CUL9: variants seen among roughly 807,000 people sequenced by gnomAD.
CUL9 encodes the protein cullin-9.
In CUL9, 79 loss-of-function variants were observed where a neutral mutation model predicts 272.6. The observed-to-expected ratio is 0.29, with a 90% CI of 0.24 to 0.35. The LOEUF is 0.35. Ranked by LOEUF, CUL9 falls within the 10% of genes least tolerant of loss-of-function variation. CUL9 has a pLI of 1.00. For missense variants in CUL9, 2,532 were observed against 3,255.6 expected (o/e 0.78, Z 5.41); for synonymous variants, 1,186 against 1,286.5 (o/e 0.92, Z 1.67).
chr6:43,191,581 C>A (rs1055185648), intron 8 of CUL9, among the ~76,000 whole-genome samples: 14 of 148,296 alleles, frequency 9.4e-5, no homozygotes, highest in African/African-American at 3.5e-4. Flanking sequence ...AGGCCTCAGT[C>A]AATAATTAAT....
Position 43,223,637 on chromosome 6 carries a change from G to A in CUL9, c.7284+240G>A. The A allele has an allele frequency of 3.5e-6, 2 of 578,608 alleles. No homozygotes were observed. Among genetic ancestry groups the A allele is most frequent in the Non-Finnish European group, 6.1e-6 (2 of 329,130 alleles). 35.8% of individuals were successfully genotyped at this position (578,608 alleles called of 1,614,324 possible). On this transcript the variant is annotated intron_variant, in intron 39 of 40. Transcript: ENST00000252050. This position sits in a 1 kb window ranked among gnomAD's most constrained non-coding sequence, Gnocchi z 4.1. ...AAAGGGGTTGGCTAGCCCACATCAA[G>A]GGTATTTGGTCAGGTGCCTATCAGA...
chr6:43,207,942 G>A (rs989031547), intron 26 of CUL9, among the ~76,000 whole-genome samples: 3 of 152,186 alleles, frequency 2.0e-5, no homozygotes, highest in Non-Finnish European at 4.4e-5. Context: ...ACTACTGAGA[G>A]AGGTGTGCTA....
In CUL9 at chr6:43,188,605, A is replaced by G. The variant is rs891360967; in HGVS notation, c.2070A>G (p.Ile690Met). Residue 690 changes from isoleucine (I) to methionine (M), a missense_variant, in exon 8 of 41, where the codon ATA becomes ATG. Transcript: ENST00000252050. ...HVAAVVATVQ[I>M]SSLDTNLQLS... ...CAGCGGTCGTGGCCACTGTGCAGAT[A>G]TCCAGCTTGGACACAAACCTGCAGC... is the stretch of plus-strand genomic sequence containing the variant. 4 of 1,614,222 alleles carry G rather than the reference A, an allele frequency of 2.5e-6. No homozygotes were observed. The highest frequency in any genetic ancestry group is 3.4e-6 in the Non-Finnish European group (4 of 1,180,044).
intron 30 of CUL9, among the ~76,000 whole-genome samples, chr6:43,215,788 G>A (rs906905722): frequency 6.6e-6 from 1 of 152,216 alleles, no homozygotes; most frequent in Non-Finnish European, 1.5e-5. Flanking sequence ...TCTCTGTGCT[G>A]CCTGTGCTGC....
In CUL9 at chr6:43,223,067, C is replaced by T. The variant is rs1776503342; in HGVS notation, c.7150+171C>T. On this transcript the variant is annotated intron_variant, in intron 38 of 40. Coordinates refer to ENST00000252050, the MANE Select transcript of CUL9 (RefSeq NM_015089.4). The surrounding 1 kb of genome is among the most constrained non-coding windows in gnomAD (Gnocchi z 4.1). The stretch of plus-strand genomic sequence containing the variant: ...TGTTAAAGCTCAGGTCGAAAGCCTA[C>T]ATTGTAAGGTGCCCAAGGGCGCAGA... The T allele has an allele frequency of 6.5e-6, 6 of 921,998 alleles. No homozygotes were observed. In the Admixed American group the frequency reaches 1.6e-4, roughly 25 times the overall value. 57.1% of individuals were successfully genotyped at this position (921,998 alleles called of 1,614,324 possible).
intron 8 of CUL9, 40 bp from the exon 9 acceptor site, chr6:43,192,961 T>C (rs755175574): frequency 8.2e-6 from 13 of 1,594,470 alleles, no homozygotes; most frequent in Non-Finnish European, 9.5e-6. Flanking sequence ...CAGGCAAGAC[T>C]CCTTGGGATG....
chr6:43,187,367 T>G lies in CUL9; in HGVS notation c.1509T>G (p.Leu503=). 6.2e-7 allele frequency: 1 copy of G among 1,614,102 alleles called. No individual in the cohort carries two copies. The highest frequency in any genetic ancestry group is 8.5e-7 in the Non-Finnish European group (1 of 1,179,990). Residue 503 remains leucine (L), a synonymous_variant, in exon 6 of 41, where the codon CTT becomes CTG. Transcript: ENST00000252050. ...YLTQAEWWEL[L]FFIKKLDLCE... is the part of the protein sequence containing the mutation. ...CCCAGGCTGAATGGTGGGAGCTGCTTTTCTTTATCAAAAAGTTGGACTTGT... is the reference window on the plus strand; with the variant it reads ...CCCAGGCTGAATGGTGGGAGCTGCTGTTCTTTATCAAAAAGTTGGACTTGT...
chr6:43,201,165 TAGA>T (rs139794495), intron 16 of CUL9, among the ~76,000 whole-genome samples: 42 of 152,218 alleles, frequency 2.8e-4, no homozygotes, highest in African/African-American at 9.9e-4. Context: ...GGTCTCGAAA[TAGA>T]AGGACAATAA....
At chr6:43,188,495 A>AG (rs1639384861) in intron 7 of CUL9, 28 bp from the exon 8 acceptor site, 1 of 1,559,824 alleles carries the variant, frequency 6.4e-7, no homozygotes, top group Non-Finnish European at 8.7e-7. Flanking sequence ...CAGTTCTTTT[A>AG]GCCATTGCCT....
In CUL9 at chr6:43,220,446, T is replaced by C; in HGVS notation, c.6283-13T>C. On this transcript the variant is annotated splice_polypyrimidine_tract_variant and intron_variant, in intron 31 of 40. Coordinates refer to ENST00000252050, the MANE Select transcript of CUL9 (RefSeq NM_015089.4). The surrounding 1 kb of genome is among the most constrained non-coding windows in gnomAD (Gnocchi z 4.9). ...CACTGTCTGTGAGCAGCCCCTCCTT[T>C]TGTCCCTCCCAGTCTTGCTGGAATG... 1 of 1,613,932 alleles carries C rather than the reference T, an allele frequency of 6.2e-7. No homozygotes were observed. The highest frequency in any genetic ancestry group is 1.7e-5 in the Admixed American group (1 of 59,996).
intron 29 of CUL9, among the ~76,000 whole-genome samples, chr6:43,214,534 C>T (rs1052046290): frequency 2.0e-5 from 3 of 152,266 alleles, no homozygotes; most frequent in Admixed American, 6.5e-5. Context: ...GGCGCGGTGG[C>T]TCATGCCTGT....
chr6:43,190,297 TG>T (rs1773339502), intron 8 of CUL9, among the ~76,000 whole-genome samples: 1 of 143,636 alleles, frequency 7.0e-6, no homozygotes, highest in Admixed American at 6.7e-5. Flanking sequence ...ACATTTGTTC[TG>T]TTTTTTTTTT....
intron 16 of CUL9, 50 bp from the exon 17 acceptor site, chr6:43,202,666 C>A: frequency 1.3e-6 from 2 of 1,517,432 alleles, no homozygotes; most frequent in Non-Finnish European, 1.8e-6. Context: ...CAGATGTGAG[C>A]CACCACGTCC....
At chr6:43,185,738 C>T in intron 3 of CUL9, 128 bp downstream of exon 3, 1 of 1,206,190 alleles carries the variant, frequency 8.3e-7, no homozygotes, top group Non-Finnish European at 1.1e-6. Context: ...TTCATGTCCT[C>T]CCTCCCAGCC....
In CUL9 at chr6:43,206,093, A is replaced by C. The variant is rs756581760; in HGVS notation, c.4880A>C (p.Asn1627Thr). ...GAGCAGATTGGCCTCTGTTTTCCCA[A>C]CCGCCTCCCACAGCTGATGCTGCAG... ...VLEQIGLCFP[N>T]RLPQLMLQSL... The change falls in exon 25 of 41, where the codon AAC becomes ACC. Residue 1627 changes from asparagine to threonine, a missense_variant. Asn to Thr is a moderately conservative substitution (Grantham distance 65). Transcript: ENST00000252050. This position sits in a 1 kb window ranked among gnomAD's most constrained non-coding sequence, Gnocchi z 4.8. The C allele has an allele frequency of 5.6e-6, 9 of 1,614,104 alleles. No individual in the cohort carries two copies. Among genetic ancestry groups the C allele is most frequent in the Admixed American group, 1.7e-5 (1 of 60,012 alleles).
Position 43,200,052 on chromosome 6 carries a change from C to A in CUL9, c.3280C>A (p.Gln1094Lys), listed in dbSNP as rs767001216. Reference protein sequence around the residue: ...LSKVLDKHSAQLLLGCELRDL... With the variant: ...LSKVLDKHSAKLLLGCELRDL... ...CAAAGTCCTGGACAAGCACTCAGCT[C>A]AGCTGCTGCTGGGCTGTGAGCTTCG... Residue 1094 changes from glutamine to lysine, a missense_variant, in exon 14 of 41, where the codon CAG (glutamine) becomes AAG (lysine). This residue lies in a region of CUL9 where 2,218 missense variants were observed against 2,788.6 expected (regional missense o/e 0.80). Transcript: ENST00000252050. This position sits in a 1 kb window ranked among gnomAD's most constrained non-coding sequence, Gnocchi z 4.0. 1.9e-5 allele frequency: 31 copies of A among 1,614,114 alleles called. No individual in the cohort carries two copies. Among genetic ancestry groups the A allele is most frequent in the Middle Eastern group, 1.6e-4 (1 of 6,084 alleles).
intron 24 of CUL9, among the ~76,000 whole-genome samples, chr6:43,205,737 G>A (rs1257818558): frequency 6.6e-6 from 1 of 151,860 alleles, no homozygotes; most frequent in Non-Finnish European, 1.5e-5. Flanking sequence ...GGTGAGGCAG[G>A]TGAATCTCTT....
intron 8 of CUL9, among the ~76,000 whole-genome samples, chr6:43,189,294 A>T (rs1001188661): frequency 6.7e-6 from 1 of 150,056 alleles, no homozygotes; most frequent in Non-Finnish European, 1.5e-5. Flanking sequence ...GGTTCAAGGG[A>T]TTCTCCCGCC....
intron 26 of CUL9, among the ~76,000 whole-genome samples, chr6:43,208,976 C>T (rs934818601): frequency 4.0e-5 from 6 of 151,896 alleles, no homozygotes; most frequent in Non-Finnish European, 7.4e-5. Context: ...TCCCAAGTAG[C>T]TGGGACTATA....
Sources: allele counts gnomAD v4.1 joint callset (sites outside exome capture counted in the v4.1 genomes callset), GRCh38; gene constraint gnomAD v4.1.1; regional missense constraint gnomAD v4.1.1; non-coding constraint Gnocchi (gnomAD v3.1); transcripts MANE v1.5; gene names NCBI Gene and HGNC (gene_info 2026-07-23, HGNC 2026-07-21).